Variants in SLC16A13 observed in about 807,000 individuals in gnomAD.
SLC16A13 encodes the protein solute carrier family 16 member 13.
A neutral mutation model predicts 28.1 loss-of-function variants in SLC16A13; 28 were observed. The ratio of observed to expected loss-of-function variants is 1.00; its 90% CI spans 0.74 to 1.37. The LOEUF is 1.37. Among genes scored for constraint, SLC16A13 ranks in the 40% most tolerant of loss-of-function variants. The pLI is 0.00. For synonymous variants in SLC16A13, 228 were observed against 241.6 expected, an observed-to-expected ratio of 0.94 and a Z score of 0.52; for missense variants, 482 against 531.8, an observed-to-expected ratio of 0.91 and a Z score of 0.92.
chr17:7,038,870 G>C lies in SLC16A13; in HGVS notation c.1062G>C (p.Leu354=). ...AGATGATAGAGAGCATCGGGGGGCT[G>C]CTGGGGCCTCCTCTCTCAGGTAAGT... The part of the protein sequence containing the change: ...LLQMIESIGG[L]LGPPLSGYLR... The change falls in exon 3 of 4, where the codon CTG becomes CTC. Residue 354 remains leucine, a synonymous_variant. Transcript: ENST00000308027. This position sits in a 1 kb window ranked among gnomAD's most constrained non-coding sequence, Gnocchi z 5.7. 1 of 1,608,864 alleles carries C rather than the reference G, an allele frequency of 6.2e-7. No homozygotes were observed. The highest frequency in any genetic ancestry group is 8.5e-7 in the Non-Finnish European group (1 of 1,177,234).
chr17:7,038,832 C>T lies in SLC16A13; in HGVS notation c.1024C>T (p.Leu342=), dbSNP rs768138999. The T allele has an allele frequency of 2.5e-6, 4 of 1,613,882 alleles. No homozygotes were observed. The highest frequency in any genetic ancestry group is 3.4e-6 in the Non-Finnish European group (4 of 1,179,982). The change falls in exon 3 of 4, where the codon CTG becomes TTG. Residue 342 remains leucine (L), a synonymous_variant. Transcript: ENST00000308027. The surrounding 1 kb of genome is among the most constrained non-coding windows in gnomAD (Gnocchi z 5.7). ...LIGTRRIYCG[L]GLLQMIESIG... ...AGGGACTAGAAGGATTTACTGTGGC[C>T]TGGGACTGTTGCAGATGATAGAGAG...
At position 7,038,698 on chromosome 17, in the gene SLC16A13, T is replaced by C; in HGVS notation, c.890T>C (p.Leu297Pro). 1 of 1,614,220 alleles carries C rather than the reference T, an allele frequency of 6.2e-7. No individual in the cohort carries two copies. Among genetic ancestry groups the C allele is most frequent in the Non-Finnish European group, 8.5e-7 (1 of 1,180,034 alleles). Reference protein sequence around the residue: ...WTTLTGVSLALFPVAQAPTAL... With the variant: ...WTTLTGVSLAPFPVAQAPTAL... Reference sequence around the variant, plus strand: ...ACCTTGACTGGGGTGTCACTAGCCCTGTTCCCTGTAGCTCAGGCTCCCACA... The same window carrying C: ...ACCTTGACTGGGGTGTCACTAGCCCCGTTCCCTGTAGCTCAGGCTCCCACA... The change falls in exon 3 of 4, where the codon CTG (leucine) becomes CCG (proline). Residue 297 changes from leucine to proline, a missense_variant. By Grantham distance (98) the Leu-to-Pro change is moderately conservative (BLOSUM62 -3). Coordinates refer to ENST00000308027, the MANE Select transcript of SLC16A13 (RefSeq NM_201566.3). This position sits in a 1 kb window ranked among gnomAD's most constrained non-coding sequence, Gnocchi z 5.7.
Position 7,038,883 on chromosome 17 carries a change from C to T in SLC16A13, c.1075C>T (p.Leu359Phe). 2 of 1,605,372 alleles carry T rather than the reference C, an allele frequency of 1.2e-6. No individual in the cohort carries two copies. Among genetic ancestry groups the T allele is most frequent in the Non-Finnish European group, 8.5e-7 (1 of 1,175,406 alleles). Residue 359 changes from leucine to phenylalanine, a missense_variant, in exon 3 of 4, where the codon CTC (leucine) becomes TTC (phenylalanine). By Grantham distance (22) the Leu-to-Phe change is conservative. Coordinates refer to ENST00000308027, the MANE Select transcript of SLC16A13 (RefSeq NM_201566.3). This position sits in a 1 kb window ranked among gnomAD's most constrained non-coding sequence, Gnocchi z 5.7. ...ESIGGLLGPP[L>F]SGYLRDVTGN... ...CATCGGGGGGCTGCTGGGGCCTCCTCTCTCAGGTAAGTGGAATGGGGTTCC... is the reference window on the plus strand; with the variant it reads ...CATCGGGGGGCTGCTGGGGCCTCCTTTCTCAGGTAAGTGGAATGGGGTTCC...
rs1340736355 is a variant in SLC16A13 at position 7,036,510 on chromosome 17, C to A, written c.128C>A (p.Ala43Glu). The part of the protein sequence containing the change: ...SFGVFFVEFV[A>E]AFEEQAARVS... ...GGGGTCTTCTTCGTGGAGTTTGTGG[C>A]GGCGTTTGAGGAGCAGGCAGCGCGC... is the stretch of plus-strand genomic sequence containing the variant. The change falls in exon 1 of 4, where the codon GCG becomes GAG. Residue 43 changes from alanine (A) to glutamate (E), a missense_variant. Physicochemically the swap from Ala to Glu is moderately radical, Grantham distance 107. Coordinates refer to ENST00000308027, the MANE Select transcript of SLC16A13 (RefSeq NM_201566.3). The A allele has an allele frequency of 1.2e-6, 2 of 1,612,494 alleles. No individual in the cohort carries two copies. The highest frequency in any genetic ancestry group is 1.7e-5 in the Admixed American group (1 of 60,032).
In SLC16A13 at chr17:7,036,196, A is replaced by G; in HGVS notation, c.-187A>G. On this transcript the variant is annotated 5_prime_UTR_variant, in exon 1 of 4. In the 5' UTR this introduces an upstream ATG that the reference lacks. Transcript: ENST00000308027. ...GCGCGGGCCAGGTCTTCAGTCCTAT[A>G]TCGCCCCGCCTTGGGAAAAGGTGCA... 1.6e-6 allele frequency: 1 copy of G among 610,712 alleles called. No individual in the cohort carries two copies. The allele number at this position is 610,712 out of a possible 1,614,324, so 37.8% of individuals were successfully genotyped here.
Position 7,038,491 on chromosome 17 carries a change from C to G in SLC16A13, c.683C>G (p.Thr228Ser). The G allele has an allele frequency of 6.2e-7, 1 of 1,614,252 alleles. No homozygotes were observed. The highest frequency in any genetic ancestry group is 8.5e-7 in the Non-Finnish European group (1 of 1,180,044). ...ACTGTTGCCCTCACCCTGATCAACACTGGCTACTTCATTCCCTACCTCCAC... is the reference window on the plus strand; with the variant it reads ...ACTGTTGCCCTCACCCTGATCAACAGTGGCTACTTCATTCCCTACCTCCAC... ...RYTVALTLIN[T>S]GYFIPYLHLV... Residue 228 changes from threonine to serine, a missense_variant, in exon 3 of 4, where the codon ACT (threonine) becomes AGT (serine). Coordinates refer to ENST00000308027, the MANE Select transcript of SLC16A13 (RefSeq NM_201566.3). The surrounding 1 kb of genome is among the most constrained non-coding windows in gnomAD (Gnocchi z 5.7).
Position 7,036,562 on chromosome 17 carries a change from C to G in SLC16A13, c.180C>G (p.Ile60Met). The change falls in exon 1 of 4, where the codon ATC (isoleucine) becomes ATG (methionine). Residue 60 changes from isoleucine (I) to methionine (M), a missense_variant. Coordinates refer to ENST00000308027, the MANE Select transcript of SLC16A13 (RefSeq NM_201566.3). The part of the protein sequence containing the change: ...ARVSWIASIG[I>M]AVQQFGSPVG... ...TCTCCTGGATCGCCTCCATAGGAAT[C>G]GCGGTGCAGCAGTTTGGGAGTGAGT... 6.2e-7 allele frequency: 1 copy of G among 1,612,400 alleles called. No individual in the cohort carries two copies. Among genetic ancestry groups the G allele is most frequent in the Non-Finnish European group, 8.5e-7 (1 of 1,180,006 alleles).
chr17:7,036,958 G>A (rs1204270173), intron 2 of SLC16A13, 88 bp downstream of exon 2: 2 of 1,497,264 alleles, frequency 1.3e-6, no homozygotes, highest in African/African-American at 2.8e-5. Flanking sequence ...GGTTCGGGGA[G>A]AAGCTGAGGG....
Position 7,039,728 on chromosome 17 carries a change from C to G in SLC16A13, c.1082-35C>G. 6.2e-7 allele frequency: 1 copy of G among 1,607,938 alleles called. No homozygotes were observed. The highest frequency in any genetic ancestry group is 2.2e-5 in the East Asian group (1 of 44,794). On this transcript the variant is annotated intron_variant, in intron 3 of 3. Transcript: ENST00000308027. This position sits in a 1 kb window ranked among gnomAD's most constrained non-coding sequence, Gnocchi z 4.3. ...GAGCCCTCAGCCCCAGCAAATAGAT[C>G]ACTCATGTGTATTCTTTTTCTCTCT...
At position 7,038,382 on chromosome 17, in the gene SLC16A13, C is replaced by G. The variant is rs776507740; in HGVS notation, c.574C>G (p.Pro192Ala). The G allele has an allele frequency of 2.9e-5, 47 of 1,614,146 alleles. No homozygotes were observed. Among genetic ancestry groups the G allele is most frequent in the Non-Finnish European group, 4.0e-5 (47 of 1,180,028 alleles). The change falls in exon 3 of 4, where the codon CCC (proline) becomes GCC (alanine). Residue 192 changes from proline (P) to alanine (A), a missense_variant. Coordinates refer to ENST00000308027, the MANE Select transcript of SLC16A13 (RefSeq NM_201566.3). This position sits in a 1 kb window ranked among gnomAD's most constrained non-coding sequence, Gnocchi z 5.7. ...GGCCTGTGGTGCTCTCCTCCGCCCA[C>G]CCTCCCTGGCTGAGGACCCTGCTGT... The part of the protein sequence containing the change: ...LVACGALLRP[P>A]SLAEDPAVGG...
At position 7,038,089 on chromosome 17, in the gene SLC16A13, G is replaced by A. The variant is rs1165425609; in HGVS notation, c.344-63G>A. 3.4e-5 allele frequency: 52 copies of A among 1,539,258 alleles called. No individual in the cohort carries two copies. The highest frequency in any genetic ancestry group is 9.9e-5 in the South Asian group (8 of 80,990). On this transcript the variant is annotated intron_variant, in intron 2 of 3. Transcript: ENST00000308027. This position sits in a 1 kb window ranked among gnomAD's most constrained non-coding sequence, Gnocchi z 5.7. ...GCTACATTCTGCTGCTGGGCAATGC[G>A]GGGATTACTGTGTGCCTTGAGCTCC...
Position 7,038,180 on chromosome 17 carries a change from G to T in SLC16A13, c.372G>T (p.Pro124=). The stretch of plus-strand genomic sequence containing the variant: ...CTGGCTGGGCTTTGACCTTCGCTCC[G>T]ACCCTGGCCTGCCTGTCCTGTTATT... ...SGSGWALTFA[P]TLACLSCYFS... Residue 124 remains proline, a synonymous_variant, in exon 3 of 4, where the codon CCG becomes CCT. Transcript: ENST00000308027. The surrounding 1 kb of genome is among the most constrained non-coding windows in gnomAD (Gnocchi z 5.7). 1 of 1,613,680 alleles carries T rather than the reference G, an allele frequency of 6.2e-7. No homozygotes were observed.
Position 7,039,701 on chromosome 17 carries a change from C to A in SLC16A13, c.1082-62C>A. On this transcript the variant is annotated intron_variant, in intron 3 of 3. Coordinates refer to ENST00000308027, the MANE Select transcript of SLC16A13 (RefSeq NM_201566.3). This position sits in a 1 kb window ranked among gnomAD's most constrained non-coding sequence, Gnocchi z 4.3. ...GTCTTCCCTCCACCCAAAAATGTATCTGAGCCCTCAGCCCCAGCAAATAGA... is the reference window on the plus strand; with the variant it reads ...GTCTTCCCTCCACCCAAAAATGTATATGAGCCCTCAGCCCCAGCAAATAGA... 1 of 1,569,096 alleles carries A rather than the reference C, an allele frequency of 6.4e-7. No homozygotes were observed. Among genetic ancestry groups the A allele is most frequent in the Non-Finnish European group, 8.8e-7 (1 of 1,142,120 alleles).
At position 7,038,078 on chromosome 17, in the gene SLC16A13, C is replaced by T; in HGVS notation, c.344-74C>T. 21 of 1,511,022 alleles carry T rather than the reference C, an allele frequency of 1.4e-5. No homozygotes were observed. Among genetic ancestry groups the T allele is most frequent in the Non-Finnish European group, 1.8e-5 (20 of 1,124,554 alleles). 93.6% of individuals were successfully genotyped at this position (1,511,022 alleles called of 1,614,324 possible). ...CCGAAGCAAGTGCTACATTCTGCTGCTGGGCAATGCGGGGATTACTGTGTG... is the reference window on the plus strand; with the variant it reads ...CCGAAGCAAGTGCTACATTCTGCTGTTGGGCAATGCGGGGATTACTGTGTG... On this transcript the variant is annotated intron_variant, in intron 2 of 3. Coordinates refer to ENST00000308027, the MANE Select transcript of SLC16A13 (RefSeq NM_201566.3). This position sits in a 1 kb window ranked among gnomAD's most constrained non-coding sequence, Gnocchi z 5.7.
intron 2 of SLC16A13, among the ~76,000 whole-genome samples, chr17:7,037,747 A>C (rs958337012): frequency 6.6e-6 from 1 of 151,970 alleles, no homozygotes; most frequent in African/African-American, 2.4e-5. Flanking sequence ...AGAAAAAAAA[A>C]GGTGCTAGGT....
chr17:7,038,791 T>C lies in SLC16A13; in HGVS notation c.983T>C (p.Val328Ala). The change falls in exon 3 of 4, where the codon GTG becomes GCG. Residue 328 changes from valine to alanine, a missense_variant. Transcript: ENST00000308027. The surrounding 1 kb of genome is among the most constrained non-coding windows in gnomAD (Gnocchi z 5.7). ...SGALAPLAFS[V>A]LPELIGTRRI... The stretch of plus-strand genomic sequence containing the variant: ...GCTCTGGCCCCACTGGCCTTCTCCG[T>C]GCTGCCTGAACTAATAGGGACTAGA... The C allele has an allele frequency of 6.2e-7, 1 of 1,614,018 alleles. No homozygotes were observed.
In SLC16A13 at chr17:7,036,188, A is replaced by T; in HGVS notation, c.-195A>T. On this transcript the variant is annotated 5_prime_UTR_variant, in exon 1 of 4. Transcript: ENST00000308027. ...CCCGGCCAGCGCGGGCCAGGTCTTCAGTCCTATATCGCCCCGCCTTGGGAA... is the reference window on the plus strand; with the variant it reads ...CCCGGCCAGCGCGGGCCAGGTCTTCTGTCCTATATCGCCCCGCCTTGGGAA... 1.8e-6 allele frequency: 1 copy of T among 568,972 alleles called. No individual in the cohort carries two copies. Among genetic ancestry groups the T allele is most frequent in the Non-Finnish European group, 3.1e-6 (1 of 325,710 alleles). 35.2% of individuals were successfully genotyped at this position (568,972 alleles called of 1,614,324 possible). A position where few individuals can be genotyped will look rare whatever the true frequency, so the allele number is the denominator to read the frequency against.
Position 7,038,150 on chromosome 17 carries a change from A to G in SLC16A13, c.344-2A>G. 1 of 1,607,002 alleles carries G rather than the reference A, an allele frequency of 6.2e-7. No individual in the cohort carries two copies. The highest frequency in any genetic ancestry group is 1.3e-5 in the African/African-American group (1 of 74,794). On this transcript the variant is annotated splice_acceptor_variant, in intron 2 of 3. Transcript: ENST00000308027. LOFTEE classifies it high-confidence loss of function. The surrounding 1 kb of genome is among the most constrained non-coding windows in gnomAD (Gnocchi z 5.7). The stretch of plus-strand genomic sequence containing the variant: ...TCAACACCACTTCTTCCTTTTTGAC[A>G]GGCTCTGGCTGGGCTTTGACCTTCG...
At position 7,036,276 on chromosome 17, in the gene SLC16A13, T is replaced by C; in HGVS notation, c.-107T>C. ...CCTCTCTACCTGCCTCTCCAACCCC[T>C]CTCGGCCCCGAGCCACCCGGCAGCG... is the stretch of plus-strand genomic sequence containing the variant. On this transcript the variant is annotated 5_prime_UTR_variant, in exon 1 of 4. Coordinates refer to ENST00000308027, the MANE Select transcript of SLC16A13 (RefSeq NM_201566.3). 8.3e-7 allele frequency: 1 copy of C among 1,199,970 alleles called. No individual in the cohort carries two copies. The allele number at this position is 1,199,970 out of a possible 1,614,324, so 74.3% of individuals were successfully genotyped here.
Sources: gnomAD v4.1 joint callset for allele counts (sites outside exome capture counted in the v4.1 genomes callset) on GRCh38, gnomAD v4.1.1 for gene constraint, Gnocchi (gnomAD v3.1) non-coding constraint, MANE v1.5 for transcripts, NCBI Gene and HGNC (gene_info 2026-07-23, HGNC 2026-07-21) for gene names.